KRT24: variants seen among roughly 807,000 people sequenced by gnomAD.
KRT24 encodes the protein keratin 24, also known as keratin, type I cytoskeletal 24.
A neutral mutation model predicts 51.7 loss-of-function variants in KRT24; 44 were observed. The observed-to-expected ratio is 0.85, with a 90% CI of 0.67 to 1.09. KRT24 has a LOEUF of 1.09. KRT24 is among the 50% of genes least tolerant of loss of function. The probability of loss-of-function intolerance (pLI) is 0.00; values close to 1 mark genes in which losing one functional copy is unlikely to be tolerated. For synonymous variants in KRT24, 241 were observed against 249.5 expected, an observed-to-expected ratio of 0.97 and a Z score of 0.32; for missense variants, 633 against 647.0, an observed-to-expected ratio of 0.98 and a Z score of 0.24.
Position 40,703,305 on chromosome 17 carries a change from A to G in KRT24, c.389T>C (p.Val130Ala). Reference protein sequence around the residue: ...YSYGGGMGGGVGDGGLFSGGE... With the variant: ...YSYGGGMGGGAGDGGLFSGGE... ...TCCAGAGAAAAGCCCCCCATCGCCA[A>G]CACCACCTCCCATACCACCACCATA... Residue 130 changes from valine to alanine, a missense_variant, in exon 1 of 8, where the codon GTT becomes GCT. Transcript: ENST00000264651. The G allele has an allele frequency of 1.9e-6, 3 of 1,614,022 alleles. No individual in the cohort carries two copies. The highest frequency in any genetic ancestry group is 2.5e-6 in the Non-Finnish European group (3 of 1,179,992).
intron 3 of KRT24, among the ~76,000 whole-genome samples, chr17:40,700,892 T>C (rs2037668656): frequency 6.6e-6 from 1 of 152,102 alleles, no homozygotes; most frequent in Non-Finnish European, 1.5e-5. Context: ...TAAGCCACCG[T>C]GCCAGGCCTA....
At position 40,698,354 on chromosome 17, in the gene KRT24, G is replaced by A. The variant is rs1472276026; in HGVS notation, c.1475-14C>T. The A allele has an allele frequency of 3.3e-6, 5 of 1,519,716 alleles. No individual in the cohort carries two copies. The allele number at this position is 1,519,716 out of a possible 1,614,324, so 94.1% of individuals were successfully genotyped here. A position where few individuals can be genotyped will look rare whatever the true frequency, so the allele number is the denominator to read the frequency against. On this transcript the variant is annotated splice_polypyrimidine_tract_variant and intron_variant, in intron 7 of 7. Coordinates refer to ENST00000264651, the MANE Select transcript of KRT24 (RefSeq NM_019016.3). ...TCTTGCTTGAATCTGAAAATCATGGGATTGCAATGTCAGTCTGGAAACTCT... is the reference window on the plus strand; with the variant it reads ...TCTTGCTTGAATCTGAAAATCATGGAATTGCAATGTCAGTCTGGAAACTCT...
intron 5 of KRT24, 106 bp downstream of exon 5, chr17:40,699,889 TCTC>T: frequency 1.5e-6 from 2 of 1,337,578 alleles, no homozygotes; most frequent in Non-Finnish European, 2.1e-6. Flanking sequence ...ATAATGCAGT[TCTC>T]CTTAACACTG....
chr17:40,699,374 G>T (rs2037646354), intron 6 of KRT24, 70 bp downstream of exon 6: 5 of 1,193,300 alleles, frequency 4.2e-6, no homozygotes, highest in African/African-American at 1.5e-5. Flanking sequence ...TAAGCCCTGA[G>T]TCCCATTTTG....
In KRT24 at chr17:40,700,347, C is replaced by A; in HGVS notation, c.892G>T (p.Val298Leu). The change falls in exon 4 of 8, where the codon GTG becomes TTG. Residue 298 changes from valine (V) to leucine (L), a missense_variant. Coordinates refer to ENST00000264651, the MANE Select transcript of KRT24 (RefSeq NM_019016.3). ...GGCGCAGCATTCATTTCTACGGTCA[C>A]CTCCCCTCCAGAGCTTCCTTGCATA... The part of the protein sequence containing the change: ...KNMQGSSGGE[V>L]TVEMNAAPGT... 2 of 1,613,926 alleles carry A rather than the reference C, an allele frequency of 1.2e-6. No individual in the cohort carries two copies. The highest frequency in any genetic ancestry group is 1.7e-6 in the Non-Finnish European group (2 of 1,179,934).
In KRT24 at chr17:40,699,442, A is replaced by G. The variant is rs764429448; in HGVS notation, c.1361+2T>C. On this transcript the variant is annotated splice_donor_variant, in intron 6 of 7. Coordinates refer to ENST00000264651, the MANE Select transcript of KRT24 (RefSeq NM_019016.3). LOFTEE classifies it high-confidence loss of function. ...TTTAGTTTGTTCATGACTTTGGTTT[A>G]CCCTCCCTCTCCATCGAGCAGGCGG... 9.9e-6 allele frequency: 16 copies of G among 1,613,282 alleles called. No individual in the cohort carries two copies. The highest frequency in any genetic ancestry group is 1.3e-5 in the African/African-American group (1 of 74,916).
chr17:40,702,938 A>G (rs2037699445), intron 1 of KRT24, 141 bp downstream of exon 1: 1 of 758,178 alleles, frequency 1.3e-6, no homozygotes, highest in Non-Finnish European at 2.0e-6. Context: ...TATAATAATT[A>G]AGACACATCA....
At chr17:40,699,345 C>T in intron 6 of KRT24, 99 bp downstream of exon 6, 1 of 899,340 alleles carries the variant, frequency 1.1e-6, no homozygotes, top group South Asian at 1.5e-5. Context: ...TACTTTATTA[C>T]TCTCTATATA....
Position 40,698,271 on chromosome 17 carries a change from TGAGAC to T in KRT24, c.1539_1543del (p.Val516GlnfsTer4), listed in dbSNP as rs1394303319. On this transcript the variant is annotated frameshift_variant, in exon 8 of 8. Coordinates refer to ENST00000264651, the MANE Select transcript of KRT24 (RefSeq NM_019016.3). LOFTEE classifies it high-confidence loss of function. ...TTTCACCTCAGAAATACTGCTGACTTGAGACGAGACAACCTTGCCATCCACCAACT... is the reference window on the plus strand; with the variant it reads ...TTTCACCTCAGAAATACTGCTGACTTGAGACAACCTTGCCATCCACCAACT... 6 of 1,613,276 alleles carry T rather than the reference TGAGAC, an allele frequency of 3.7e-6. No homozygotes were observed. The highest frequency in any genetic ancestry group is 1.6e-4 in the Middle Eastern group (1 of 6,084).
In KRT24 at chr17:40,698,774, C is replaced by T. The variant is rs35650621; in HGVS notation, c.1362-124G>A. The T allele has an allele frequency of 3.0e-3, 1,975 of 653,726 alleles. 29 individuals carry two copies. Among genetic ancestry groups the T allele is most frequent in the African/African-American group, 0.028 (1,549 of 55,100 alleles). The allele number at this position is 653,726 out of a possible 1,614,324, so 40.5% of individuals were successfully genotyped here. Reference sequence around the variant, plus strand: ...ATGTGTTTTAATTGGATTGTGTCTGCTGCTTTTTTGTTCAACCTTGCACTC... The same window carrying T: ...ATGTGTTTTAATTGGATTGTGTCTGTTGCTTTTTTGTTCAACCTTGCACTC... On this transcript the variant is annotated intron_variant, in intron 6 of 7. Coordinates refer to ENST00000264651, the MANE Select transcript of KRT24 (RefSeq NM_019016.3).
At position 40,703,279 on chromosome 17, in the gene KRT24, C is replaced by T. The variant is rs748702189; in HGVS notation, c.415G>A (p.Gly139Arg). The T allele has an allele frequency of 2.5e-6, 4 of 1,614,092 alleles. No homozygotes were observed. The highest frequency in any genetic ancestry group is 3.4e-6 in the Non-Finnish European group (4 of 1,179,992). ...GVGDGGLFSG[G>R]EKQTMQNLND... is the part of the protein sequence containing the mutation. Reference sequence around the variant, plus strand: ...AGGTTCTGCATGGTTTGCTTTTCCCCTCCAGAGAAAAGCCCCCCATCGCCA... The same window carrying T: ...AGGTTCTGCATGGTTTGCTTTTCCCTTCCAGAGAAAAGCCCCCCATCGCCA... The change falls in exon 1 of 8, where the codon GGG becomes AGG. Residue 139 changes from glycine to arginine, a missense_variant. Coordinates refer to ENST00000264651, the MANE Select transcript of KRT24 (RefSeq NM_019016.3).
rs766483705 is a variant in KRT24, at chr17:40,701,160, G to C, written c.835C>G (p.Leu279Val). Residue 279 changes from leucine (L) to valine (V), a missense_variant, in exon 3 of 8, where the codon CTG (leucine) becomes GTG (valine). Leu to Val is a conservative substitution (Grantham distance 32). Transcript: ENST00000264651. ...IESFTEELAY[L>V]RKNHEEEMKN... ...CCTACCTCCTCGTGGTTCTTCCTCA[G>C]GTAGGCTAGCTCCTCGGTGAAACTC... The C allele has an allele frequency of 6.2e-7, 1 of 1,614,006 alleles. No individual in the cohort carries two copies. The highest frequency in any genetic ancestry group is 1.7e-5 in the Admixed American group (1 of 59,990).
At position 40,700,343 on chromosome 17, in the gene KRT24, G is replaced by T; in HGVS notation, c.896C>A (p.Thr299Asn). The T allele has an allele frequency of 9.3e-6, 15 of 1,613,838 alleles. No individual in the cohort carries two copies. The highest frequency in any genetic ancestry group is 1.3e-5 in the Non-Finnish European group (15 of 1,179,938). ...NMQGSSGGEV[T>N]VEMNAAPGTD... ...CCCTGGCGCAGCATTCATTTCTACG[G>T]TCACCTCCCCTCCAGAGCTTCCTTG... The change falls in exon 4 of 8, where the codon ACC (threonine) becomes AAC (asparagine). Residue 299 changes from threonine (T) to asparagine (N), a missense_variant. Thr to Asn is a moderately conservative substitution (Grantham distance 65). Coordinates refer to ENST00000264651, the MANE Select transcript of KRT24 (RefSeq NM_019016.3).
At chr17:40,701,772 TA>T (rs1567863134) in intron 2 of KRT24, 78 bp downstream of exon 2, 550 of 48,880 alleles carry the variant, frequency 0.011, 31 homozygotes, top group Non-Finnish European at 0.014. Context: ...TATATATATA[TA>T]TATATATTTA....
chr17:40,701,770 TATA>T lies in KRT24; in HGVS notation c.698+78_698+80del, dbSNP rs1567863125. On this transcript the variant is annotated intron_variant, in intron 2 of 7. Transcript: ENST00000264651. ...ATATATATATATATATATATATATA[TATA>T]TATATATTTATTTATAAAATGGAAT... The T allele has an allele frequency of 1.8e-3, 83 of 45,814 alleles. 2 individuals are homozygous for T. Among genetic ancestry groups the T allele is most frequent in the Admixed American group, 7.9e-3 (29 of 3,652 alleles). The allele number at this position is 45,814 out of a possible 1,614,324, so 2.8% of individuals were successfully genotyped here. A position where few individuals can be genotyped will look rare whatever the true frequency, so the allele number is the denominator to read the frequency against.
chr17:40,701,432 C>G lies in KRT24; in HGVS notation c.699-136G>C. On this transcript the variant is annotated intron_variant, in intron 2 of 7. Transcript: ENST00000264651. ...ATAAATAAAGGTTATTAAGTTTTCTCTTGGGAAATTTTCCCTTGTAAAGAA... is the reference window on the plus strand; with the variant it reads ...ATAAATAAAGGTTATTAAGTTTTCTGTTGGGAAATTTTCCCTTGTAAAGAA... 2 of 598,074 alleles carry G rather than the reference C, an allele frequency of 3.3e-6. 1 individual carries two copies. The highest frequency in any genetic ancestry group is 9.1e-4 in the Middle Eastern group (2 of 2,208). The allele number at this position is 598,074 out of a possible 1,614,324, so 37.0% of individuals were successfully genotyped here. A position where few individuals can be genotyped will look rare whatever the true frequency, so the allele number is the denominator to read the frequency against.
At chr17:40,699,962 C>A (rs772317576) in intron 5 of KRT24, 36 bp downstream of exon 5, 2 of 1,612,980 alleles carry the variant, frequency 1.2e-6, no homozygotes, top group Non-Finnish European at 1.7e-6. Context: ...TTGCTTAACT[C>A]CCTGTTGGAA....
Position 40,698,302 on chromosome 17 carries a change from C to G in KRT24, c.1513G>C (p.Glu505Gln). ...KTRVTKTIVE[E>Q]LVDGKVVSSQ... ...GAGACAACCTTGCCATCCACCAACT[C>G]CTCTACGATAGTCTTAGTCACTCTA... The change falls in exon 8 of 8, where the codon GAG becomes CAG. Residue 505 changes from glutamate to glutamine, a missense_variant. Coordinates refer to ENST00000264651, the MANE Select transcript of KRT24 (RefSeq NM_019016.3). The G allele has an allele frequency of 2.5e-6, 4 of 1,613,448 alleles. No individual in the cohort carries two copies. Among genetic ancestry groups the G allele is most frequent in the Non-Finnish European group, 3.4e-6 (4 of 1,179,462 alleles).
rs778819567 is a variant in KRT24 at position 40,699,479 on chromosome 17, G to A, written c.1326C>T (p.Ile442=). 3.7e-6 allele frequency: 6 copies of A among 1,614,006 alleles called. No homozygotes were observed. Among genetic ancestry groups the A allele is most frequent in the African/African-American group, 2.7e-5 (2 of 74,884 alleles). The change falls in exon 6 of 8, where the codon ATC becomes ATT. Residue 442 remains isoleucine (I), a synonymous_variant. Transcript: ENST00000264651. ...CATCGAGCAGGCGGCGGTAGGTCTC[G>A]ATCTCCACCTCCAGGCGTGTCTTGA... ...LDIKTRLEVE[I]ETYRRLLDGE... is the part of the protein sequence containing the mutation.
Sources: allele counts gnomAD v4.1 joint callset (sites outside exome capture counted in the v4.1 genomes callset), GRCh38; gene constraint gnomAD v4.1.1; transcripts MANE v1.5; gene names NCBI Gene and HGNC (gene_info 2026-07-23, HGNC 2026-07-21).